HOMER2: variants seen among roughly 807,000 people sequenced by gnomAD.
HOMER2 encodes homer protein homolog 2.
Under a neutral mutation model 47.0 loss-of-function variants are expected in HOMER2, and 27 were observed. The ratio of observed to expected loss-of-function variants is 0.57; its 90% confidence interval spans 0.42 to 0.79. The LOEUF (loss-of-function observed/expected upper bound fraction) is 0.79, where lower values mean the gene tolerates loss of function less well. Ranked by LOEUF, HOMER2 falls within the 30% of genes least tolerant of loss-of-function variation. The pLI is 0.00. For missense variants in HOMER2, 443 were observed against 435.0 expected, an observed-to-expected ratio of 1.02 and a Z score of -0.16; for synonymous variants, 161 against 163.8, an observed-to-expected ratio of 0.98 and a Z score of 0.13.
intron 2 of HOMER2, among the ~76,000 whole-genome samples, chr15:82,890,304 T>C (rs2052663751): frequency 6.6e-6 from 1 of 152,148 alleles, no homozygotes; most frequent in Admixed American, 6.5e-5. Flanking sequence ...ATCGTGCCAC[T>C]GCACTCCAGC....
intron 3 of HOMER2, among the ~76,000 whole-genome samples, chr15:82,870,625 T>C (rs1010349905): frequency 5.9e-5 from 9 of 152,216 alleles, no homozygotes; most frequent in African/African-American, 2.2e-4. Context: ...AGCCAAAAGC[T>C]TTCTACCTAA....
upstream of HOMER2, among the ~76,000 whole-genome samples, chr15:82,955,800 G>A (rs2054582125): frequency 1.3e-5 from 2 of 152,288 alleles, no homozygotes; most frequent in South Asian, 2.1e-4. Context: ...CAAAACAGAC[G>A]TCCTTCTGTC....
intron 1 of HOMER2, among the ~76,000 whole-genome samples, chr15:82,895,624 C>T (rs2151107777): frequency 6.6e-6 from 1 of 152,336 alleles, no homozygotes; most frequent in African/African-American, 2.4e-5. Context: ...TCAAATTATG[C>T]CTCATTGTCA....
intron 1 of HOMER2, among the ~76,000 whole-genome samples, chr15:82,941,728 C>T (rs1267590803): frequency 3.9e-5 from 6 of 152,054 alleles, no homozygotes; most frequent in African/African-American, 1.2e-4. Flanking sequence ...AAGCTCTCTC[C>T]TTCATGCCTA....
chr15:82,897,024 G>T (rs1283282849), intron 1 of HOMER2, among the ~76,000 whole-genome samples: 1 of 150,140 alleles, frequency 6.7e-6, no homozygotes, highest in East Asian at 2.0e-4. Flanking sequence ...ACCTGACTTG[G>T]GTCATGCAGT....
chr15:82,896,165 G>A (rs1362938823), intron 1 of HOMER2, among the ~76,000 whole-genome samples: 2 of 152,078 alleles, frequency 1.3e-5, no homozygotes, highest in Non-Finnish European at 2.9e-5. Flanking sequence ...AGGCAGAGCT[G>A]TTCTGGTCAG....
chr15:82,953,727 A>C (rs367850855), upstream of HOMER2, among the ~76,000 whole-genome samples: 995 of 151,328 alleles, frequency 6.6e-3, 5 homozygotes, highest in African/African-American at 0.017. Context: ...CACACACACA[A>C]AAAAAATTAG....
At chr15:82,837,480 T>C (rs1404774499) in exon 2 of HOMER2, 1 of 152,166 alleles carries the variant, frequency 6.6e-6, no homozygotes, top group Admixed American at 6.5e-5. Context: ...CTCTGCAGAT[T>C]GTCCTTAGAA....
Position 82,928,098 on chromosome 15 carries a change from T to A in HOMER2, c.5+24433A>T, listed in dbSNP as rs139254248. ...CTGTATCCTCTCAACCACTATAGTA[T>A]TGGCAGTGGTTTCTCTGCTAGAAAT... On this transcript the variant is annotated intron_variant, in intron 1 of 8. Transcript: ENST00000450735. Among the ~76,000 whole-genome samples, 927 of 152,132 alleles carry A rather than the reference T, an allele frequency of 6.1e-3. 11 individuals are homozygous for A. Among genetic ancestry groups the A allele is most frequent in the Non-Finnish European group, 6.2e-3 (420 of 67,990 alleles).
intron 2 of HOMER2, among the ~76,000 whole-genome samples, chr15:82,881,557 GA>G (rs1210938264): frequency 6.6e-6 from 1 of 152,184 alleles, no homozygotes; most frequent in African/African-American, 2.4e-5. Context: ...AATATTCACT[GA>G]AAACCTACTG....
upstream of HOMER2, among the ~76,000 whole-genome samples, chr15:82,955,280 CT>C (rs759360334): frequency 1.3e-5 from 2 of 151,944 alleles, no homozygotes; most frequent in Admixed American, 6.6e-5. Flanking sequence ...TGCAATTCTC[CT>C]GCCTCAGCCT....
At chr15:82,982,347 T>G (rs894497212) in intron 1 of HOMER2, among the ~76,000 whole-genome samples, 2 of 152,194 alleles carry the variant, frequency 1.3e-5, no homozygotes, top group Admixed American at 6.5e-5. Flanking sequence ...TGAAACAGAT[T>G]TCCTGTTGTC....
intron 2 of HOMER2, among the ~76,000 whole-genome samples, chr15:82,882,149 G>C (rs1159708725): frequency 1.3e-5 from 2 of 152,256 alleles, no homozygotes; most frequent in Non-Finnish European, 2.9e-5. Flanking sequence ...GAGAAGCTGG[G>C]AGTGGGGAGA....
chr15:82,883,098 T>C, intron 2 of HOMER2, among the ~76,000 whole-genome samples: 1 of 25,116 alleles, frequency 4.0e-5, no homozygotes, highest in Non-Finnish European at 6.6e-5. Context: ...CCTGTGTCCA[T>C]GTGATCTCAT....
intron 1 of HOMER2, among the ~76,000 whole-genome samples, chr15:82,951,112 G>A (rs2054497139): frequency 6.6e-6 from 1 of 152,170 alleles, no homozygotes; most frequent in South Asian, 2.1e-4. Context: ...GTCCACTGAG[G>A]ACTCACTGGA....
chr15:82,971,930 C>A lies in HOMER2; in HGVS notation n.83-12622G>T, dbSNP rs566332848. ...ACTCCTGCCCTTAAGGTTTTCCAGG[C>A]CTAAATCTCCTCTTCTATTCTCTGT... On this transcript the variant is annotated intron_variant and non_coding_transcript_variant, in intron 1 of 1. Coordinates refer to the HOMER2 transcript ENST00000500334. Among the ~76,000 whole-genome samples the A allele has an allele frequency of 6.6e-5, 10 of 152,242 alleles. No homozygotes were observed. In the East Asian group the frequency reaches 1.4e-3, roughly 21 times the overall value.
intron 1 of HOMER2, among the ~76,000 whole-genome samples, chr15:82,909,035 C>T (rs2053376073): frequency 6.6e-6 from 1 of 152,040 alleles, no homozygotes; most frequent in African/African-American, 2.4e-5. Flanking sequence ...ACAACCAAAC[C>T]AGGGAGGCAC....
intron 1 of HOMER2, among the ~76,000 whole-genome samples, chr15:82,915,044 G>A (rs2053548738): frequency 6.6e-6 from 1 of 151,964 alleles, no homozygotes. Flanking sequence ...GTGATGGTGT[G>A]TGCCTGTAGT....
At chr15:82,939,157 G>A (rs772793458) in intron 1 of HOMER2, among the ~76,000 whole-genome samples, 4 of 152,032 alleles carry the variant, frequency 2.6e-5, no homozygotes, top group Non-Finnish European at 4.4e-5. Flanking sequence ...CACCATATCC[G>A]CCCAAAACTA....
Sources: allele counts gnomAD v4.1 joint callset (sites outside exome capture counted in the v4.1 genomes callset), GRCh38; gene constraint gnomAD v4.1.1; transcripts MANE v1.5; gene names NCBI Gene and HGNC (gene_info 2026-07-23, HGNC 2026-07-21).